The following NAV3 variants were observed in gnomAD, a reference collection of about 807,000 sequenced individuals.
NAV3 encodes pore membrane and/or filament interacting like protein 1.
A neutral mutation model predicts 244.7 loss-of-function variants in NAV3; 87 were observed. The ratio of observed to expected loss-of-function variants is 0.36; its 90% CI spans 0.30 to 0.42. NAV3 has a LOEUF of 0.42. Ranked by LOEUF, NAV3 falls within the 20% of genes least tolerant of loss-of-function variation. The probability of loss-of-function intolerance (pLI) is 1.00; values close to 1 mark genes in which losing one functional copy is unlikely to be tolerated. For synonymous variants in NAV3, 1,126 were observed against 1,042.2 expected, an observed-to-expected ratio of 1.08 and a Z score of -1.55; for missense variants, 2,663 against 2,893.3, an observed-to-expected ratio of 0.92 and a Z score of 1.83.
chr12:77,748,684 G>T (rs1053862564), intron 2 of NAV3, among the ~76,000 whole-genome samples: 13 of 152,128 alleles, frequency 8.5e-5, no homozygotes, highest in Non-Finnish European at 1.3e-4. Context: ...GGGTCTACAA[G>T]AGTCCAACTT....
At chr12:77,827,521 A>G (rs549664941), upstream of NAV3, among the ~76,000 whole-genome samples, 246 of 152,284 alleles carry the variant, frequency 1.6e-3, no homozygotes, top group African/African-American at 5.4e-3. Flanking sequence ...TTCAAAGGTC[A>G]TTGCCACTTT....
At chr12:78,165,857 G>A (rs1001377586) in intron 23 of NAV3, among the ~76,000 whole-genome samples, 1 of 151,556 alleles carries the variant, frequency 6.6e-6, no homozygotes. Context: ...ATCCAAAGGA[G>A]GTGATTCCAC....
At chr12:78,112,406 C>A (rs1214126821) in intron 12 of NAV3, among the ~76,000 whole-genome samples, 3 of 152,030 alleles carry the variant, frequency 2.0e-5, no homozygotes, top group Admixed American at 6.6e-5. Flanking sequence ...AGACATACCC[C>A]AAATTGGGTA....
chr12:77,676,062 T>C (rs895554971), intron 2 of NAV3, among the ~76,000 whole-genome samples: 2 of 152,128 alleles, frequency 1.3e-5, no homozygotes, highest in African/African-American at 2.4e-5. Flanking sequence ...GCAAGCAGCT[T>C]TGGAGTGCTA....
intron 2 of NAV3, among the ~76,000 whole-genome samples, chr12:77,768,582 A>G (rs1869910462): frequency 6.6e-6 from 1 of 152,164 alleles, no homozygotes; most frequent in Non-Finnish European, 1.5e-5. Flanking sequence ...GCTTGGCCTC[A>G]ACTTTGCTCT....
intron 5 of NAV3, among the ~76,000 whole-genome samples, chr12:77,982,605 T>C (rs930562928): frequency 2.0e-5 from 3 of 152,182 alleles, no homozygotes; most frequent in Non-Finnish European, 4.4e-5. Context: ...TGGGTATCTA[T>C]TGCTGCTTTA....
intron 22 of NAV3, among the ~76,000 whole-genome samples, chr12:78,154,289 CTATATATTACTATA>C (rs747207577): frequency 6.7e-5 from 4 of 60,014 alleles, no homozygotes; most frequent in Non-Finnish European, 1.4e-4. Flanking sequence ...ATATATACTA[CTATATATTACTATA>C]TAATATATAG....
chr12:77,936,588 GCATAAGC>G (rs775875175), intron 1 of NAV3, among the ~76,000 whole-genome samples: 1 of 152,112 alleles, frequency 6.6e-6, no homozygotes, highest in Admixed American at 6.6e-5. Flanking sequence ...TTAATTCATA[GCATAAGC>G]CTGCAAAATA....
chr12:77,699,201 T>C (rs1396338258), intron 2 of NAV3, among the ~76,000 whole-genome samples: 2 of 152,130 alleles, frequency 1.3e-5, no homozygotes, highest in Non-Finnish European at 2.9e-5. Flanking sequence ...TCTAGGGAGA[T>C]AACTAACAGG....
chr12:77,811,876 CA>C (rs1226717558), intron 2 of NAV3, among the ~76,000 whole-genome samples: 1 of 152,178 alleles, frequency 6.6e-6, no homozygotes, highest in African/African-American at 2.4e-5. Context: ...AATACATTCA[CA>C]ATATTGTGAA....
chr12:77,797,089 T>C (rs1383370332), intron 2 of NAV3, among the ~76,000 whole-genome samples: 1 of 152,168 alleles, frequency 6.6e-6, no homozygotes, highest in Non-Finnish European at 1.5e-5. Context: ...TTCATGCTAT[T>C]TGTGAGAATG....
chr12:77,968,686 C>A lies in NAV3; in HGVS notation c.655C>A (p.Gln219Lys). ...GGAAGCCAGCCAGGCCAAAACCCAG[C>A]AAGATATGCAGTCCAGGTAAGGAAA... ...PSEASQAKTQ[Q>K]DMQSSLAARY... The change falls in exon 5 of 40, where the codon CAA (glutamine) becomes AAA (lysine). Residue 219 changes from glutamine to lysine, a missense_variant. Physicochemically the swap from Gln to Lys is moderately conservative, Grantham distance 53 (BLOSUM62 1). Transcript: ENST00000397909. 1 of 1,613,890 alleles carries A rather than the reference C, an allele frequency of 6.2e-7. No homozygotes were observed. Among genetic ancestry groups the A allele is most frequent in the Non-Finnish European group, 8.5e-7 (1 of 1,179,902 alleles).
intron 2 of NAV3, among the ~76,000 whole-genome samples, chr12:77,776,885 A>C (rs1565809537): frequency 6.6e-6 from 1 of 152,142 alleles, no homozygotes; most frequent in Non-Finnish European, 1.5e-5. Context: ...GGAGGCTGTA[A>C]CATCTTTATC....
intron 1 of NAV3, among the ~76,000 whole-genome samples, chr12:77,928,665 A>C (rs917143928): frequency 6.6e-6 from 1 of 152,204 alleles, no homozygotes; most frequent in Non-Finnish European, 1.5e-5. Context: ...GCATGTAAAG[A>C]AAAATCAGAA....
At chr12:77,720,254 T>A (rs914652903) in intron 2 of NAV3, among the ~76,000 whole-genome samples, 5 of 138,856 alleles carry the variant, frequency 3.6e-5, no homozygotes, top group Non-Finnish European at 6.4e-5. Flanking sequence ...ATGTGCCTTG[T>A]AACTTTCTAT....
At chr12:78,128,604 T>C (rs961736843) in intron 17 of NAV3, 102 bp from the exon 18 acceptor site, 3 of 1,165,334 alleles carry the variant, frequency 2.6e-6, no homozygotes, top group Non-Finnish European at 3.6e-6. Flanking sequence ...CTGTTTGAAA[T>C]TGTTCATTCT....
chr12:77,732,432 G>C (rs571467664), intron 2 of NAV3, among the ~76,000 whole-genome samples: 1 of 152,068 alleles, frequency 6.6e-6, no homozygotes, highest in East Asian at 1.9e-4. Flanking sequence ...GTGATTCCAA[G>C]CTATAGGACA....
At chr12:77,673,900 C>T (rs546537233) in intron 2 of NAV3, among the ~76,000 whole-genome samples, 1 of 151,942 alleles carries the variant, frequency 6.6e-6, no homozygotes, top group African/African-American at 2.4e-5. Flanking sequence ...TTTTTTTAAA[C>T]CAAATGAACA....
chr12:77,582,375 G>A (rs987174871), intron 2 of NAV3, among the ~76,000 whole-genome samples: 1 of 152,162 alleles, frequency 6.6e-6, no homozygotes, highest in African/African-American at 2.4e-5. Flanking sequence ...CTTTGAAAAG[G>A]TGTGAAAAAT....
Sources: gnomAD v4.1 joint callset for allele counts (sites outside exome capture counted in the v4.1 genomes callset) on GRCh38, gnomAD v4.1.1 for gene constraint, MANE v1.5 for transcripts, NCBI Gene and HGNC (gene_info 2026-07-23, HGNC 2026-07-21) for gene names.